The following ECI2 variants were observed in gnomAD, a reference collection of about 807,000 sequenced individuals.
The protein encoded by ECI2 is D3,D2-enoyl-CoA isomerase.
ECI2 carries 27 observed loss-of-function variants against 38.4 expected under a neutral mutation model. The observed-to-expected ratio is 0.70, with a 90% CI of 0.52 to 0.97. The LOEUF (loss-of-function observed/expected upper bound fraction) is 0.97. ECI2 is among the 50% of genes least tolerant of loss of function. ECI2 has a pLI of 0.00. For missense variants in ECI2, 470 were observed against 474.4 expected (o/e 0.99, Z 0.09); for synonymous variants, 168 against 172.0 (o/e 0.98, Z 0.18).
At chr6:4,126,389 G>T in intron 5 of ECI2, 152 bp from the exon 6 acceptor site, 1 of 625,844 alleles carries the variant, frequency 1.6e-6, no homozygotes, top group South Asian at 2.0e-5. Context: ...GAGTACGCTG[G>T]ACACTGATCT....
intron 8 of ECI2, 112 bp downstream of exon 8, chr6:4,119,074 C>A: frequency 1.2e-6 from 1 of 853,122 alleles, no homozygotes; most frequent in Non-Finnish European, 1.8e-6. Flanking sequence ...AAATCATTAG[C>A]TTCTCTTTTG....
intron 5 of ECI2, 37 bp from the exon 6 acceptor site, chr6:4,126,274 C>T (rs1261170012): frequency 6.4e-7 from 1 of 1,554,408 alleles, no homozygotes; most frequent in Non-Finnish European, 8.8e-7. Context: ...CTCATTCAAT[C>T]ATCCTATAAT....
At chr6:4,126,375 TAGTGAG>T (rs1157577175) in intron 5 of ECI2, 138 bp from the exon 6 acceptor site, 3 of 664,006 alleles carry the variant, frequency 4.5e-6, no homozygotes, top group Non-Finnish European at 7.7e-6. Context: ...ACTTACAAAC[TAGTGAG>T]TACGCTGGAC....
chr6:4,133,679 T>C lies in ECI2; in HGVS notation c.83A>G (p.Gln28Arg). ...SLQVTSFPVV[Q>R]LHMNRTAMRA... is the part of the protein sequence containing the mutation. ...CATTGCTGTTCTATTCATGTGCAGC[T>C]GAACTACCGGGAAACTAGTGACCTG... is the stretch of plus-strand genomic sequence containing the variant. Residue 28 changes from glutamine (Q) to arginine (R), a missense_variant, in exon 2 of 10, where the codon CAG becomes CGG. Gln to Arg is a conservative substitution (Grantham distance 43). Transcript: ENST00000380118. 2 of 1,612,524 alleles carry C rather than the reference T, an allele frequency of 1.2e-6. No individual in the cohort carries two copies. Among genetic ancestry groups the C allele is most frequent in the East Asian group, 2.2e-5 (1 of 44,874 alleles).
intron 7 of ECI2, among the ~76,000 whole-genome samples, chr6:4,123,434 C>T (rs1772937587): frequency 6.6e-6 from 1 of 151,786 alleles, no homozygotes; most frequent in Non-Finnish European, 1.5e-5. Flanking sequence ...ACCTCAATTT[C>T]CTTTATTTTA....
chr6:4,119,267 A>C lies in ECI2; in HGVS notation c.804T>G (p.Phe268Leu). ...DAVYASDRAT[F>L]HTPFSHLGQS... ...GGCCTAGGTGACTAAATGGTGTATG[A>C]AATGTTGCCTGCAGAGGCAGGAGAG... Residue 268 changes from phenylalanine to leucine, a missense_variant, in exon 8 of 10, where the codon TTT (phenylalanine) becomes TTG (leucine). Transcript: ENST00000380118. 1.2e-6 allele frequency: 2 copies of C among 1,611,730 alleles called. No individual in the cohort carries two copies. The highest frequency in any genetic ancestry group is 8.5e-7 in the Non-Finnish European group (1 of 1,178,900).
In ECI2 at chr6:4,126,307, A is replaced by G. The variant is rs577834378; in HGVS notation, c.572-70T>C. The G allele has an allele frequency of 2.1e-5, 28 of 1,318,266 alleles. No individual in the cohort carries two copies. The South Asian group carries it at 3.1e-4, about 15-fold the overall frequency. 81.7% of individuals were successfully genotyped at this position (1,318,266 alleles called of 1,614,324 possible). A position where few individuals can be genotyped will look rare whatever the true frequency, so the allele number is the denominator to read the frequency against. On this transcript the variant is annotated intron_variant, in intron 5 of 9. Coordinates refer to ENST00000380118, the MANE Select transcript of ECI2 (RefSeq NM_206836.3). ...AATTCTTGAGTATCTACTGCATGCCAAACTCTATGGTTAGGCAAGGGAAAT... is the reference window on the plus strand; with the variant it reads ...AATTCTTGAGTATCTACTGCATGCCGAACTCTATGGTTAGGCAAGGGAAAT...
intron 6 of ECI2, 167 bp from the exon 7 acceptor site, chr6:4,125,537 G>A: frequency 1.0e-6 from 1 of 954,072 alleles, no homozygotes; most frequent in Non-Finnish European, 1.5e-6. Context: ...TTCCGCACCA[G>A]ATTCATCCAG....
intron 1 of ECI2, chr6:4,135,248 C>A: frequency 9.4e-7 from 1 of 1,060,106 alleles, no homozygotes; most frequent in Non-Finnish European, 1.4e-6. Flanking sequence ...CGGAGGCAGG[C>A]GGAGACCTTG....
intron 9 of ECI2, among the ~76,000 whole-genome samples, chr6:4,116,578 A>G (rs1030571760): frequency 2.0e-5 from 3 of 151,376 alleles, no homozygotes; most frequent in Non-Finnish European, 4.4e-5. Context: ...AGTAGCTGGG[A>G]TTACAGGCGC....
chr6:4,130,281 T>C (rs979320086), intron 4 of ECI2, 91 bp downstream of exon 4: 28 of 1,613,388 alleles, frequency 1.7e-5, no homozygotes, highest in Non-Finnish European at 2.1e-5. Flanking sequence ...TATCTTAAAA[T>C]AGGAATGATG....
rs754095844 is a variant in ECI2, at chr6:4,119,223, G to A, written c.848C>T (p.Ser283Phe). The A allele has an allele frequency of 9.3e-6, 15 of 1,613,792 alleles. No individual in the cohort carries two copies. The highest frequency in any genetic ancestry group is 4.4e-5 in the South Asian group (4 of 91,066). The change falls in exon 8 of 10, where the codon TCC (serine) becomes TTC (phenylalanine). Residue 283 changes from serine to phenylalanine, a missense_variant. By Grantham distance (155) the Ser-to-Phe change is radical. Coordinates refer to ENST00000380118, the MANE Select transcript of ECI2 (RefSeq NM_206836.3). ...SHLGQSPEGC[S>F]SYTFPKIMSP... ...CATTATCTTCGGAAAAGTGTAAGAG[G>A]AGCATCCTTCCGGACTTTGGCCTAG...
At chr6:4,129,314 A>C (rs1773383140) in intron 4 of ECI2, among the ~76,000 whole-genome samples, 2 of 152,018 alleles carry the variant, frequency 1.3e-5, no homozygotes, top group African/African-American at 4.8e-5. Flanking sequence ...GAGTTTCACC[A>C]TGTTGGCCAG....
At chr6:4,122,448 T>A (rs1431865433) in intron 7 of ECI2, among the ~76,000 whole-genome samples, 2 of 151,428 alleles carry the variant, frequency 1.3e-5, no homozygotes, top group South Asian at 4.2e-4. Context: ...CTCGAATTCC[T>A]GACCTCAAGT....
At chr6:4,126,050 G>T in intron 6 of ECI2, 85 bp downstream of exon 6, 1 of 1,045,070 alleles carries the variant, frequency 9.6e-7, no homozygotes, top group Non-Finnish European at 1.5e-6. Flanking sequence ...CAGAGAAGCA[G>T]ATATTGCACT....
Position 4,135,506 on chromosome 6 carries a change from C to G in ECI2, c.50+5G>C. 1 of 1,578,876 alleles carries G rather than the reference C, an allele frequency of 6.3e-7. No homozygotes were observed. The highest frequency in any genetic ancestry group is 8.6e-7 in the Non-Finnish European group (1 of 1,158,060). Reference sequence around the variant, plus strand: ...TGGGCCGAACGGCCGGGACTCCAAGCTTACCTCGGACACGAACGCCGCGCC... The same window carrying G: ...TGGGCCGAACGGCCGGGACTCCAAGGTTACCTCGGACACGAACGCCGCGCC... On this transcript the variant is annotated splice_donor_5th_base_variant and intron_variant, in intron 1 of 9. Coordinates refer to ENST00000380118, the MANE Select transcript of ECI2 (RefSeq NM_206836.3).
rs1419812437 is a variant in ECI2 at position 4,125,324 on chromosome 6, C to G, written c.721G>C (p.Val241Leu). 2.5e-6 allele frequency: 4 copies of G among 1,614,066 alleles called. No individual in the cohort carries two copies. In the African/African-American group the frequency reaches 5.3e-5, roughly 22 times the overall value. ...ATGCCCACAGCTGGACCATTGACCA[C>G]TGCAATCAGAGGCTTAGGAAAATCT... ...FIDFPKPLIA[V>L]VNGPAVGISV... Residue 241 changes from valine (V) to leucine (L), a missense_variant, in exon 7 of 10, where the codon GTG becomes CTG. Val to Leu is a conservative substitution (Grantham distance 32). Transcript: ENST00000380118.
chr6:4,126,208 C>G lies in ECI2; in HGVS notation c.601G>C (p.Asp201His). The G allele has an allele frequency of 2.5e-6, 4 of 1,613,554 alleles. No individual in the cohort carries two copies. Among genetic ancestry groups the G allele is most frequent in the Non-Finnish European group, 3.4e-6 (4 of 1,179,866 alleles). Residue 201 changes from aspartate (D) to histidine (H), a missense_variant, in exon 6 of 10, where the codon GAT becomes CAT. Physicochemically the swap from Asp to His is moderately conservative, Grantham distance 81. Coordinates refer to ENST00000380118, the MANE Select transcript of ECI2 (RefSeq NM_206836.3). ...GNGDYYSSGN[D>H]LTNFTDIPPG... ...GGAATATCAGTGAAGTTAGTCAGATCATTCCCACTACTGTAATAGTCACCA... is the reference window on the plus strand; with the variant it reads ...GGAATATCAGTGAAGTTAGTCAGATGATTCCCACTACTGTAATAGTCACCA...
chr6:4,133,770 T>G, intron 1 of ECI2, 59 bp from the exon 2 acceptor site: 3 of 1,529,228 alleles, frequency 2.0e-6, no homozygotes, highest in African/African-American at 1.4e-5. Flanking sequence ...TGCAGCCTGA[T>G]TTCTAATTGT....
Sources: allele counts gnomAD v4.1 joint callset (sites outside exome capture counted in the v4.1 genomes callset), GRCh38; gene constraint gnomAD v4.1.1; transcripts MANE v1.5; gene names NCBI Gene and HGNC (gene_info 2026-07-23, HGNC 2026-07-21).